BLM: variants seen among roughly 807,000 people sequenced by gnomAD.
BLM encodes the protein BLM RecQ like helicase, also known as recQ-like DNA helicase BLM.
BLM carries 95 observed loss-of-function variants against 135.3 expected under a neutral mutation model. The ratio of observed to expected loss-of-function variants is 0.70; its 90% CI spans 0.59 to 0.83. The LOEUF (loss-of-function observed/expected upper bound fraction) is 0.83, where lower values mean the gene tolerates loss of function less well. Ranked by LOEUF, BLM falls within the 40% of genes least tolerant of loss-of-function variation. The probability of loss-of-function intolerance (pLI) is 0.00; values close to 1 mark genes in which losing one functional copy is unlikely to be tolerated. For missense variants in BLM, 1,518 were observed against 1,663.9 expected (o/e 0.91, Z 1.53); for synonymous variants, 520 against 589.2 (o/e 0.88, Z 1.70).
At chr15:90,765,720 T>G (rs112753947) in intron 9 of BLM, among the ~76,000 whole-genome samples, 88 of 152,370 alleles carry the variant, frequency 5.8e-4, no homozygotes, top group African/African-American at 2.0e-3. Flanking sequence ...TCTCTTTCCC[T>G]TATATCTTAA....
intron 1 of BLM, among the ~76,000 whole-genome samples, chr15:90,725,929 G>A (rs888226160): frequency 2.0e-5 from 3 of 151,976 alleles, no homozygotes; most frequent in African/African-American, 7.2e-5. Context: ...TTACATAGGT[G>A]TAGCAGATAT....
intron 1 of BLM, among the ~76,000 whole-genome samples, chr15:90,746,263 G>A (rs1895499830): frequency 6.6e-6 from 1 of 151,990 alleles, no homozygotes; most frequent in South Asian, 2.1e-4. Flanking sequence ...AGGTATGTAG[G>A]GATTCATTCC....
intron 1 of BLM, among the ~76,000 whole-genome samples, chr15:90,739,024 G>A (rs1407700482): frequency 6.6e-6 from 1 of 152,192 alleles, no homozygotes; most frequent in East Asian, 1.9e-4. Flanking sequence ...ATAGCCAAAA[G>A]GTGGAAGCAA....
intron 1 of BLM, among the ~76,000 whole-genome samples, chr15:90,736,368 T>A (rs1169966617): frequency 6.6e-6 from 1 of 152,088 alleles, no homozygotes; most frequent in African/African-American, 2.4e-5. Context: ...GCTCAATTGA[T>A]CCCACCTTGG....
intron 12 of BLM, among the ~76,000 whole-genome samples, chr15:90,775,672 C>T (rs1304444856): frequency 1.3e-5 from 2 of 151,712 alleles, no homozygotes; most frequent in Non-Finnish European, 2.9e-5. Context: ...CCGCCATGCC[C>T]GGCTAATTTT....
chr15:90,735,236 A>T (rs1363540058), intron 1 of BLM, among the ~76,000 whole-genome samples: 4 of 108,200 alleles, frequency 3.7e-5, no homozygotes, highest in Admixed American at 9.3e-5. Flanking sequence ...TGCCTAAGTT[A>T]ATATATATAT....
rs1896152361 is a variant in BLM, at chr15:90,767,038, CA to C, written c.2307+16del. The C allele has an allele frequency of 7.0e-7, 1 of 1,435,778 alleles. No homozygotes were observed. The highest frequency in any genetic ancestry group is 1.2e-5 in the South Asian group (1 of 82,072). The allele number at this position is 1,435,778 out of a possible 1,614,324, so 88.9% of individuals were successfully genotyped here. On this transcript the variant is annotated intron_variant, in intron 10 of 21. Transcript: ENST00000355112. ...CTCCAGAAAAGGTTTGTATTTATATCATTATTTTAAAATATATTAAAGACCA... is the reference window on the plus strand; with the variant it reads ...CTCCAGAAAAGGTTTGTATTTATATCTTATTTTAAAATATATTAAAGACCA...
At chr15:90,736,082 T>C (rs1895208356) in intron 1 of BLM, among the ~76,000 whole-genome samples, 1 of 152,232 alleles carries the variant, frequency 6.6e-6, no homozygotes, top group South Asian at 2.1e-4. Context: ...GTTTCTCACC[T>C]ATCAGCTCTG....
chr15:90,725,805 C>T (rs903803218), intron 1 of BLM, among the ~76,000 whole-genome samples: 2 of 152,000 alleles, frequency 1.3e-5, no homozygotes, highest in Non-Finnish European at 2.9e-5. Context: ...GCCACCGCGC[C>T]CAGCCTACAG....
At chr15:90,809,061 A>G (rs1161521844) in intron 19 of BLM, 76 bp from the exon 20 acceptor site, 3 of 1,587,978 alleles carry the variant, frequency 1.9e-6, no homozygotes, top group Non-Finnish European at 2.6e-6. Flanking sequence ...CGTGTGCTGA[A>G]TGCGTGAATG....
intron 1 of BLM, among the ~76,000 whole-genome samples, chr15:90,719,337 C>T (rs1363123749): frequency 3.3e-5 from 5 of 152,138 alleles, no homozygotes; most frequent in South Asian, 2.1e-4. Flanking sequence ...CACAGTGGCT[C>T]ACACCCATAA....
At chr15:90,794,492 A>C in intron 16 of BLM, 135 bp downstream of exon 16, 1 of 647,250 alleles carries the variant, frequency 1.5e-6, no homozygotes, top group Non-Finnish European at 2.5e-6. Context: ...TCCAGTAGTA[A>C]TTTGGAATGG....
chr15:90,775,097 T>G (rs937300028), intron 12 of BLM, among the ~76,000 whole-genome samples: 1 of 152,164 alleles, frequency 6.6e-6, no homozygotes, highest in Non-Finnish European at 1.5e-5. Context: ...TTCAGGAACT[T>G]ATTGCCTATT....
At chr15:90,729,404 C>G (rs1895006953) in intron 1 of BLM, among the ~76,000 whole-genome samples, 1 of 152,170 alleles carries the variant, frequency 6.6e-6, no homozygotes, top group African/African-American at 2.4e-5. Context: ...TTTCATTGGG[C>G]TAAAGTCAAG....
intron 1 of BLM, among the ~76,000 whole-genome samples, chr15:90,731,004 G>C (rs1263843029): frequency 6.6e-6 from 1 of 151,960 alleles, no homozygotes; most frequent in African/African-American, 2.4e-5. Flanking sequence ...GGAGTGCAGT[G>C]GTGTGACTTC....
At chr15:90,806,128 A>T (rs921648638) in intron 19 of BLM, among the ~76,000 whole-genome samples, 4 of 152,180 alleles carry the variant, frequency 2.6e-5, no homozygotes, top group African/African-American at 9.7e-5. Flanking sequence ...AATTAGCAGA[A>T]TTTTTTCTTC....
chr15:90,731,400 G>A (rs948420837), intron 1 of BLM, among the ~76,000 whole-genome samples: 1 of 152,150 alleles, frequency 6.6e-6, no homozygotes, highest in African/African-American at 2.4e-5. Context: ...AGAATGAGCT[G>A]GGGAGTTGGT....
At chr15:90,771,860 G>A (rs1395727334) in intron 12 of BLM, among the ~76,000 whole-genome samples, 1 of 152,138 alleles carries the variant, frequency 6.6e-6, no homozygotes, top group African/African-American at 2.4e-5. Context: ...TTATGTTTGA[G>A]TAAACAGTGT....
In BLM at chr15:90,773,427, A is replaced by G. The variant is rs552416726; in HGVS notation, c.2555+3841A>G. 2.5e-4 allele frequency among the ~76,000 whole-genome samples: 38 copies of G among 152,200 alleles called. 1 individual carries two copies. The South Asian group carries it at 7.9e-3, about 32-fold the overall frequency. On this transcript the variant is annotated intron_variant, in intron 12 of 21. Coordinates refer to ENST00000355112, the MANE Select transcript of BLM (RefSeq NM_000057.4). ...AGAGCGAGACTCCATCTGAAAAACA[A>G]ACAAACAAAAAAAGGCTTAAACAGC...
Sources: gnomAD v4.1 joint callset for allele counts (sites outside exome capture counted in the v4.1 genomes callset) on GRCh38, gnomAD v4.1.1 for gene constraint, MANE v1.5 for transcripts, NCBI Gene and HGNC (gene_info 2026-07-23, HGNC 2026-07-21) for gene names.